PDZD2: variants seen among roughly 807,000 people sequenced by gnomAD.
PDZD2 encodes PDZ domain-containing protein 2.
In PDZD2, 90 loss-of-function variants were observed where a neutral mutation model predicts 220.7. The ratio of observed to expected loss-of-function variants is 0.41; its 90% CI spans 0.34 to 0.49. The LOEUF is 0.49. Among genes scored for constraint, PDZD2 ranks in the 20% least tolerant of loss-of-function variants. The pLI, the probability that PDZD2 is intolerant of heterozygous loss-of-function variation, is 0.28. For missense variants in PDZD2, 3,174 were observed against 3,608.5 expected (o/e 0.88, Z 3.08); for synonymous variants, 1,375 against 1,450.5 (o/e 0.95, Z 1.18).
At chr5:32,009,993 A>C (rs985019817) in intron 5 of PDZD2, among the ~76,000 whole-genome samples, 1 of 150,006 alleles carries the variant, frequency 6.7e-6, no homozygotes, top group Admixed American at 6.8e-5. Flanking sequence ...AGGCTGATGC[A>C]GGAGAATCAC....
At chr5:31,936,128 A>C (rs1745704863) in intron 2 of PDZD2, 13 of 986,472 alleles carry the variant, frequency 1.3e-5, no homozygotes, top group Non-Finnish European at 1.6e-5. Context: ...GGGAGGAGAG[A>C]GAGAGAATCT....
chr5:31,655,770 C>T (rs1745525759), intron 1 of PDZD2, among the ~76,000 whole-genome samples: 1 of 152,098 alleles, frequency 6.6e-6, no homozygotes, highest in Non-Finnish European at 1.5e-5. Flanking sequence ...TTGAAGACTC[C>T]CCAGGTGATT....
At chr5:31,746,966 G>A (rs1402618267) in intron 1 of PDZD2, among the ~76,000 whole-genome samples, 1 of 152,238 alleles carries the variant, frequency 6.6e-6, no homozygotes, top group Non-Finnish European at 1.5e-5. Context: ...CATGAGGTCA[G>A]GAGTTCGAGA....
chr5:31,940,621 G>A (rs1505017), intron 2 of PDZD2, among the ~76,000 whole-genome samples: 60,579 of 152,062 alleles, frequency 0.4, 12,658 homozygotes, highest in Middle Eastern at 0.57. Context: ...TGAGGTTTGG[G>A]GGTTGTCAGG....
chr5:31,878,661 C>T (rs1051649483), intron 2 of PDZD2, among the ~76,000 whole-genome samples: 1 of 147,910 alleles, frequency 6.8e-6, no homozygotes, highest in Non-Finnish European at 1.5e-5. Flanking sequence ...CCGGGGTTCA[C>T]GCCATTCTCC....
At chr5:32,041,943 C>T (rs553328904) in intron 7 of PDZD2, among the ~76,000 whole-genome samples, 11 of 146,832 alleles carry the variant, frequency 7.5e-5, no homozygotes, top group South Asian at 2.2e-4. Context: ...TTGCCGGGCT[C>T]GGTGGCTCAC....
chr5:32,048,489 G>T, intron 7 of PDZD2, 50 bp from the exon 8 acceptor site: 1 of 1,532,918 alleles, frequency 6.5e-7, no homozygotes, highest in South Asian at 1.1e-5. Flanking sequence ...ATGTGCTTAC[G>T]ATTCTTTTTG....
At chr5:32,050,595 G>A (rs1041995204) in intron 8 of PDZD2, among the ~76,000 whole-genome samples, 1 of 152,140 alleles carries the variant, frequency 6.6e-6, no homozygotes, top group African/African-American at 2.4e-5. Flanking sequence ...CAAGGTGAGA[G>A]AATTGCCTGA....
intron 1 of PDZD2, among the ~76,000 whole-genome samples, chr5:31,674,944 G>A (rs1746348602): frequency 6.6e-6 from 1 of 152,164 alleles, no homozygotes; most frequent in African/African-American, 2.4e-5. Context: ...TGGGACTGTG[G>A]GATCACGAAG....
chr5:31,849,943 TATATA>T, intron 2 of PDZD2, among the ~76,000 whole-genome samples: 1 of 24,492 alleles, frequency 4.1e-5, no homozygotes, highest in African/African-American at 3.1e-4. Flanking sequence ...CACATATATA[TATATA>T]CATATATATA....
chr5:31,995,821 G>A (rs753819392), intron 4 of PDZD2, 103 bp downstream of exon 4: 16 of 1,053,666 alleles, frequency 1.5e-5, no homozygotes, highest in African/African-American at 3.2e-5. Context: ...AAGCCCTGGC[G>A]ATTATAGTTC....
At chr5:32,034,216 C>T (rs534832256) in intron 6 of PDZD2, among the ~76,000 whole-genome samples, 2 of 152,254 alleles carry the variant, frequency 1.3e-5, no homozygotes, top group African/African-American at 4.8e-5. Context: ...GACTTTCCAA[C>T]GTTTGGGACC....
chr5:31,960,353 G>T (rs1748105118), intron 2 of PDZD2, among the ~76,000 whole-genome samples: 1 of 152,002 alleles, frequency 6.6e-6, no homozygotes. Context: ...GAGTAGCTGG[G>T]ATTACAGGAT....
chr5:31,642,838 G>A (rs910828534), intron 1 of PDZD2, among the ~76,000 whole-genome samples: 18 of 152,178 alleles, frequency 1.2e-4, no homozygotes, highest in African/African-American at 4.3e-4. Flanking sequence ...GGGTCACTTC[G>A]TGAAGCTGGG....
In PDZD2 at chr5:32,101,242, A is replaced by AATG; in HGVS notation, c.8353+4_8353+6dup. 1 of 1,606,460 alleles carries AATG rather than the reference A, an allele frequency of 6.2e-7. No homozygotes were observed. Among genetic ancestry groups the AATG allele is most frequent in the Non-Finnish European group, 8.5e-7 (1 of 1,175,500 alleles). On this transcript the variant is annotated splice_donor_region_variant and intron_variant, in intron 24 of 24. Coordinates refer to ENST00000438447, the MANE Select transcript of PDZD2 (RefSeq NM_178140.4). ...GGTCATTAAAAGAGTGTACAAAGGT[A>AATG]ATGTTCTAGACAACTCAGTCAGCCT... is the stretch of plus-strand genomic sequence containing the variant.
At chr5:31,829,584 C>T (rs1301711390) in intron 2 of PDZD2, among the ~76,000 whole-genome samples, 2 of 151,666 alleles carry the variant, frequency 1.3e-5, no homozygotes, top group East Asian at 2.0e-4. Flanking sequence ...CCCAAAGTGC[C>T]AGGATTACAG....
chr5:31,939,842 T>C (rs763743575), intron 2 of PDZD2, among the ~76,000 whole-genome samples: 3 of 152,156 alleles, frequency 2.0e-5, no homozygotes, highest in Non-Finnish European at 4.4e-5. Context: ...TTATGGTGAA[T>C]AGAATCAAAG....
At chr5:31,698,318 G>A (rs111931461) in intron 1 of PDZD2, among the ~76,000 whole-genome samples, 81 of 150,926 alleles carry the variant, frequency 5.4e-4, no homozygotes, top group African/African-American at 1.8e-3. Context: ...AGAGAAGGCC[G>A]GGTGCGGTGG....
chr5:31,790,989 C>T (rs967245202), intron 1 of PDZD2, among the ~76,000 whole-genome samples: 5 of 151,942 alleles, frequency 3.3e-5, no homozygotes, highest in Admixed American at 1.3e-4. Flanking sequence ...TGAGCCACCG[C>T]GCCCAGCCTG....
Sources: allele counts gnomAD v4.1 joint callset (sites outside exome capture counted in the v4.1 genomes callset), GRCh38; gene constraint gnomAD v4.1.1; transcripts MANE v1.5; gene names NCBI Gene and HGNC (gene_info 2026-07-23, HGNC 2026-07-21).